FOCAD: variants seen among roughly 807,000 people sequenced by gnomAD.
FOCAD encodes the protein focadhesin.
A neutral mutation model predicts 225.6 loss-of-function variants in FOCAD; 198 were observed. The observed-to-expected ratio is 0.88, with a 90% CI of 0.78 to 0.99. FOCAD has a LOEUF of 0.99. FOCAD is among the 50% of genes least tolerant of loss of function. FOCAD has a pLI of 0.00. For synonymous variants in FOCAD, 897 were observed against 755.0 expected, an observed-to-expected ratio of 1.19 and a Z score of -3.08; for missense variants, 2,713 against 2,123.6, an observed-to-expected ratio of 1.28 and a Z score of -5.46.
At chr9:20,678,599 C>G (rs922769198) in intron 2 of FOCAD, among the ~76,000 whole-genome samples, 2 of 152,132 alleles carry the variant, frequency 1.3e-5, no homozygotes. Context: ...CTGCAGGAGG[C>G]CGACCTATAA....
At chr9:20,938,978 GA>G (rs915970159) in intron 28 of FOCAD, among the ~76,000 whole-genome samples, 16 of 147,856 alleles carry the variant, frequency 1.1e-4, no homozygotes, top group East Asian at 9.8e-4. Context: ...ATTAAAAATT[GA>G]AAAAAAAATA....
chr9:20,930,421 C>T (rs1410571777), intron 27 of FOCAD, among the ~76,000 whole-genome samples: 1 of 152,150 alleles, frequency 6.6e-6, no homozygotes, highest in Non-Finnish European at 1.5e-5. Context: ...GCATTTAGCC[C>T]TGTTTTCCTA....
intron 15 of FOCAD, among the ~76,000 whole-genome samples, chr9:20,836,510 G>T (rs1400761085): frequency 1.3e-5 from 2 of 151,928 alleles, no homozygotes; most frequent in African/African-American, 4.8e-5. Context: ...TTGTAGTTGG[G>T]GCATGTTTTT....
intron 3 of FOCAD, among the ~76,000 whole-genome samples, chr9:20,718,376 T>C (rs1825505624): frequency 6.6e-6 from 1 of 152,248 alleles, no homozygotes; most frequent in Non-Finnish European, 1.5e-5. Context: ...CAATGCCAGC[T>C]TACTGAGATA....
At chr9:20,675,157 G>C (rs529806396) in intron 2 of FOCAD, among the ~76,000 whole-genome samples, 1 of 152,192 alleles carries the variant, frequency 6.6e-6, no homozygotes. Flanking sequence ...ATGACTTGCT[G>C]TAAGGAAGTC....
At chr9:20,899,566 G>T (rs1253490307) in intron 21 of FOCAD, among the ~76,000 whole-genome samples, 1 of 151,894 alleles carries the variant, frequency 6.6e-6, no homozygotes, top group Non-Finnish European at 1.5e-5. Flanking sequence ...TTTACTTGTT[G>T]TTAAGATGGA....
chr9:20,663,543 A>G (rs1821802008), intron 2 of FOCAD, among the ~76,000 whole-genome samples: 1 of 151,702 alleles, frequency 6.6e-6, no homozygotes, highest in Non-Finnish European at 1.5e-5. Flanking sequence ...CAATCTTCCA[A>G]TCTATCATCT....
chr9:20,773,507 A>T (rs1818442815), intron 8 of FOCAD, among the ~76,000 whole-genome samples: 1 of 152,184 alleles, frequency 6.6e-6, no homozygotes, highest in Non-Finnish European at 1.5e-5. Flanking sequence ...AAAACATAGA[A>T]CTTTGAAACC....
intron 5 of FOCAD, 33 bp downstream of exon 5, chr9:20,740,373 A>G (rs1216284821): frequency 8.3e-7 from 1 of 1,205,066 alleles, no homozygotes; most frequent in Non-Finnish European, 1.2e-6. Flanking sequence ...TTTTAAACAA[A>G]TATGAATTTT....
At chr9:20,989,857 C>T (rs750497919) in intron 41 of FOCAD, among the ~76,000 whole-genome samples, 8 of 152,118 alleles carry the variant, frequency 5.3e-5, no homozygotes, top group East Asian at 1.9e-4. Context: ...AATGTTAGAG[C>T]GATAATAATG....
intron 35 of FOCAD, among the ~76,000 whole-genome samples, chr9:20,973,330 C>G (rs1310960749): frequency 6.6e-6 from 1 of 151,878 alleles, no homozygotes; most frequent in Non-Finnish European, 1.5e-5. Context: ...CTTCTTTCAG[C>G]ATCTGCTGAT....
rs752730916 is a variant in FOCAD at position 20,781,783 on chromosome 9, C to T, written c.1051C>T (p.Leu351=). 1.9e-5 allele frequency: 30 copies of T among 1,613,994 alleles called. No individual in the cohort carries two copies. The highest frequency in any genetic ancestry group is 2.5e-5 in the Non-Finnish European group (30 of 1,180,004). ...GAAAATCCCAAAGTCCTCTCTGCTGCTAGTGATGCCAATTCTGCAGATACT... is the reference window on the plus strand; with the variant it reads ...GAAAATCCCAAAGTCCTCTCTGCTGTTAGTGATGCCAATTCTGCAGATACT... ...DQKIPKSSLL[L]VMPILQILSS... Residue 351 remains leucine (L), a synonymous_variant, in exon 10 of 44, where the codon CTA becomes TTA. Coordinates refer to ENST00000338382, the MANE Select transcript of FOCAD (RefSeq NM_001375567.1).
chr9:20,734,598 G>GT (rs1826980274), intron 4 of FOCAD, among the ~76,000 whole-genome samples: 2 of 151,870 alleles, frequency 1.3e-5, no homozygotes, highest in African/African-American at 2.4e-5. Context: ...ACAGACATGT[G>GT]TTTTTTTCTC....
rs75301013 is a variant in FOCAD, at chr9:20,770,331, T to A, written c.906+93T>A. ...ATAAAGAAATGAGGTTTAATTGGCT[T>A]ACAGTCTGGCAGGCTGTACAGGATG... On this transcript the variant is annotated intron_variant, in intron 8 of 43. Coordinates refer to ENST00000338382, the MANE Select transcript of FOCAD (RefSeq NM_001375567.1). 6,133 of 1,191,686 alleles carry A rather than the reference T, an allele frequency of 5.1e-3. 57 individuals carry two copies. The highest frequency in any genetic ancestry group is 0.015 in the Admixed American group (720 of 48,792). The allele number at this position is 1,191,686 out of a possible 1,614,324, so 73.8% of individuals were successfully genotyped here. A position where few individuals can be genotyped will look rare whatever the true frequency, so the allele number is the denominator to read the frequency against.
intron 10 of FOCAD, among the ~76,000 whole-genome samples, chr9:20,783,079 G>A (rs372793884): frequency 1.8e-4 from 27 of 152,290 alleles, no homozygotes; most frequent in African/African-American, 6.3e-4. Flanking sequence ...TTGAATGGGA[G>A]TGGGGGCAGG....
chr9:20,731,473 T>C (rs930411247), intron 4 of FOCAD, among the ~76,000 whole-genome samples: 2 of 152,198 alleles, frequency 1.3e-5, no homozygotes, highest in African/African-American at 2.4e-5. Flanking sequence ...AATTTTGATA[T>C]TAGAGATCAG....
chr9:20,955,173 G>T (rs1838021867), intron 35 of FOCAD, among the ~76,000 whole-genome samples: 1 of 152,078 alleles, frequency 6.6e-6, no homozygotes, highest in Non-Finnish European at 1.5e-5. Flanking sequence ...AAAAGTTTAG[G>T]GATGGCATGG....
chr9:20,808,118 G>T (rs185572846), intron 11 of FOCAD, among the ~76,000 whole-genome samples: 1 of 152,262 alleles, frequency 6.6e-6, no homozygotes, highest in African/African-American at 2.4e-5. Context: ...CACAGATTCT[G>T]CAGTGGAACA....
At chr9:20,793,897 T>C (rs1220519857) in intron 11 of FOCAD, among the ~76,000 whole-genome samples, 1 of 152,140 alleles carries the variant, frequency 6.6e-6, no homozygotes. Context: ...TTTTCTTATT[T>C]AGTGGAGAGG....
Sources: allele counts gnomAD v4.1 joint callset (sites outside exome capture counted in the v4.1 genomes callset), GRCh38; gene constraint gnomAD v4.1.1; transcripts MANE v1.5; gene names NCBI Gene and HGNC (gene_info 2026-07-23, HGNC 2026-07-21).